Variants in RBMS3 observed in about 807,000 individuals in gnomAD.
RBMS3 encodes the protein RNA binding motif single stranded interacting protein 3, also known as RNA-binding motif, single-stranded-interacting protein 3.
Under a neutral mutation model 66.8 loss-of-function variants are expected in RBMS3, and 27 were observed. The observed-to-expected ratio is 0.40, with a 90% CI of 0.30 to 0.56. The LOEUF (loss-of-function observed/expected upper bound fraction) is 0.56, where lower values mean the gene tolerates loss of function less well. Among genes scored for constraint, RBMS3 ranks in the 20% least tolerant of loss-of-function variants. RBMS3 has a pLI of 0.40. For missense variants in RBMS3, 513 were observed against 549.5 expected, an observed-to-expected ratio of 0.93 and a Z score of 0.66; for synonymous variants, 188 against 183.0, an observed-to-expected ratio of 1.03 and a Z score of -0.22.
chr3:29,377,567 G>A (rs1263409337), intron 1 of RBMS3, among the ~76,000 whole-genome samples: 1 of 152,160 alleles, frequency 6.6e-6, no homozygotes, highest in East Asian at 1.9e-4. Flanking sequence ...CTTCAAGATT[G>A]CATGCCCCTC....
chr3:29,340,512 G>A (rs1277013183), intron 1 of RBMS3, among the ~76,000 whole-genome samples: 1 of 152,086 alleles, frequency 6.6e-6, no homozygotes, highest in Non-Finnish European at 1.5e-5. Flanking sequence ...TGAGTTTAAT[G>A]AATCTCAAAA....
intron 4 of RBMS3, among the ~76,000 whole-genome samples, chr3:29,688,574 T>G (rs2051839231): frequency 3.6e-5 from 2 of 55,450 alleles, no homozygotes; most frequent in African/African-American, 1.6e-4. Context: ...ATTTTTTTTT[T>G]TTTTTTTTTT....
intron 6 of RBMS3, among the ~76,000 whole-genome samples, chr3:29,839,071 T>C (rs2058600724): frequency 6.6e-6 from 1 of 152,180 alleles, no homozygotes; most frequent in South Asian, 2.1e-4. Context: ...AGAACTACAG[T>C]GTCAGGCATA....
chr3:29,601,029 A>T (rs913164724), intron 4 of RBMS3, among the ~76,000 whole-genome samples: 1 of 152,064 alleles, frequency 6.6e-6, no homozygotes, highest in African/African-American at 2.4e-5. Flanking sequence ...CAGAGCATGA[A>T]CAGTGATGGA....
intron 7 of RBMS3, among the ~76,000 whole-genome samples, chr3:29,871,054 A>C (rs1276829562): frequency 6.6e-6 from 1 of 152,104 alleles, no homozygotes; most frequent in Admixed American, 6.6e-5. Flanking sequence ...TTACTTGCTA[A>C]AGTATATTAG....
chr3:29,568,194 A>C (rs978569332), intron 3 of RBMS3, among the ~76,000 whole-genome samples: 1 of 152,210 alleles, frequency 6.6e-6, no homozygotes, highest in Non-Finnish European at 1.5e-5. Context: ...TGTAGGGCCA[A>C]TTTGAACTTA....
At chr3:29,696,484 A>C (rs1326721845) in intron 4 of RBMS3, among the ~76,000 whole-genome samples, 1 of 152,182 alleles carries the variant, frequency 6.6e-6, no homozygotes, top group Non-Finnish European at 1.5e-5. Flanking sequence ...TGTTGATGAA[A>C]GGCCCTTGAG....
chr3:29,492,364 A>G, intron 3 of RBMS3, among the ~76,000 whole-genome samples: 1 of 152,202 alleles, frequency 6.6e-6, no homozygotes, highest in East Asian at 1.9e-4. Context: ...AAAATTGTGT[A>G]TAATTGTTCA....
intron 3 of RBMS3, among the ~76,000 whole-genome samples, chr3:29,509,326 G>T (rs1265901147): frequency 1.3e-5 from 2 of 152,054 alleles, no homozygotes; most frequent in Admixed American, 6.6e-5. Context: ...TGCCTGTAAC[G>T]TAACAAGCAC....
chr3:29,864,294 C>A (rs1359902363), intron 6 of RBMS3, among the ~76,000 whole-genome samples: 2 of 152,206 alleles, frequency 1.3e-5, no homozygotes, highest in East Asian at 3.9e-4. Context: ...AGAGAGCATT[C>A]ATCATAGGCA....
chr3:29,438,702 C>T (rs1412513135), intron 2 of RBMS3, among the ~76,000 whole-genome samples: 1 of 152,120 alleles, frequency 6.6e-6, no homozygotes, highest in African/African-American at 2.4e-5. Flanking sequence ...CTTGTAATGT[C>T]TTTTTCTTGA....
chr3:29,818,901 T>C (rs2057995447), intron 6 of RBMS3, among the ~76,000 whole-genome samples: 1 of 152,194 alleles, frequency 6.6e-6, no homozygotes. Context: ...CTCAAAAGCA[T>C]GAATGCTAAG....
In RBMS3 at chr3:29,957,737, C is replaced by A. The variant is rs1285772702; in HGVS notation, c.1098+13483C>A. On this transcript the variant is annotated intron_variant, in intron 12 of 14. Coordinates refer to ENST00000383767, the MANE Select transcript of RBMS3 (RefSeq NM_001003793.3). ...TCATATTCATTTATCTTACTAACAT[C>A]CTCATAATTGATTCCCCAGTGTCAC... Among the ~76,000 whole-genome samples the A allele has an allele frequency of 3.9e-5, 6 of 152,268 alleles. No homozygotes were observed. The South Asian group carries it at 1.0e-3, about 26-fold the overall frequency.
chr3:29,944,189 T>C lies in RBMS3; in HGVS notation c.1051-18T>C. On this transcript the variant is annotated intron_variant, in intron 11 of 14. Coordinates refer to ENST00000383767, the MANE Select transcript of RBMS3 (RefSeq NM_001003793.3). ...TTGTACTTCATTGCATTCTTTCTCATGCTCTTTTCATTCAAAGATTCAATC... is the reference window on the plus strand; with the variant it reads ...TTGTACTTCATTGCATTCTTTCTCACGCTCTTTTCATTCAAAGATTCAATC... The C allele has an allele frequency of 1.3e-6, 2 of 1,570,316 alleles. No homozygotes were observed. Among genetic ancestry groups the C allele is most frequent in the Non-Finnish European group, 1.8e-6 (2 of 1,141,394 alleles).
chr3:29,892,802 A>AGTATGTTTGTATGTAT (rs1553694235), intron 8 of RBMS3, among the ~76,000 whole-genome samples: 1 of 140,184 alleles, frequency 7.1e-6, no homozygotes, highest in Non-Finnish European at 1.5e-5. Flanking sequence ...CTCTGCTTGA[A>AGTATGTTTGTATGTAT]GTATGTATGT....
At chr3:29,928,798 T>A (rs937669372) in intron 10 of RBMS3, among the ~76,000 whole-genome samples, 1 of 122,852 alleles carries the variant, frequency 8.1e-6, no homozygotes, top group African/African-American at 3.0e-5. Flanking sequence ...CTTGCTCCTC[T>A]CTTCTCTCAT....
At chr3:29,999,215 A>G (rs1269977121) in intron 14 of RBMS3, among the ~76,000 whole-genome samples, 1 of 152,268 alleles carries the variant, frequency 6.6e-6, no homozygotes, top group Non-Finnish European at 1.5e-5. Context: ...ACAATGAGAT[A>G]TCATGTTACA....
intron 4 of RBMS3, among the ~76,000 whole-genome samples, chr3:29,676,129 C>T (rs949134877): frequency 1.1e-4 from 17 of 152,166 alleles, no homozygotes; most frequent in Non-Finnish European, 1.9e-4. Flanking sequence ...TTTGTAGGGA[C>T]ATGGATGAAG....
intron 6 of RBMS3, among the ~76,000 whole-genome samples, chr3:29,857,746 G>T (rs2059116198): frequency 6.6e-6 from 1 of 152,100 alleles, no homozygotes; most frequent in South Asian, 2.1e-4. Flanking sequence ...GGTGAATAGG[G>T]CCCAGCTCCT....
Sources: gnomAD v4.1 joint callset for allele counts (sites outside exome capture counted in the v4.1 genomes callset) on GRCh38, gnomAD v4.1.1 for gene constraint, MANE v1.5 for transcripts, NCBI Gene and HGNC (gene_info 2026-07-23, HGNC 2026-07-21) for gene names.